The following ZP4 variants were observed in gnomAD, a reference collection of about 807,000 sequenced individuals.
ZP4 encodes the protein zona pellucida sperm-binding protein 4.
In ZP4, 62 loss-of-function variants were observed where a neutral mutation model predicts 62.3. That is an observed-to-expected ratio of 0.99 (90% CI 0.81 to 1.23). The LOEUF (loss-of-function observed/expected upper bound fraction) is 1.23, where lower values mean the gene tolerates loss of function less well. ZP4 is among the 50% of genes most tolerant of loss of function. ZP4 has a pLI of 0.00. For missense variants in ZP4, 774 were observed against 656.0 expected, an observed-to-expected ratio of 1.18 and a Z score of -1.97; for synonymous variants, 289 against 247.3, an observed-to-expected ratio of 1.17 and a Z score of -1.58.
Position 237,890,514 on chromosome 1 carries a change from A to C in ZP4, c.122T>G (p.Phe41Cys). Residue 41 changes from phenylalanine to cysteine, a missense_variant, in exon 1 of 12, where the codon TTT becomes TGT. Coordinates refer to ENST00000366570, the MANE Select transcript of ZP4 (RefSeq NM_021186.5). ...TGCCTCCTGGTTGAGGTTTACAGCA[A>C]ACTGGAAGCTCCACGGCCCACAGTG... ...VLHCGPWSFQ[F>C]AVNLNQEATS... 6.2e-7 allele frequency: 1 copy of C among 1,614,118 alleles called. No individual in the cohort carries two copies. Among genetic ancestry groups the C allele is most frequent in the Non-Finnish European group, 8.5e-7 (1 of 1,180,028 alleles).
At chr1:237,890,002 A>G in intron 2 of ZP4, 33 bp from the exon 3 acceptor site, 1 of 1,614,060 alleles carries the variant, frequency 6.2e-7, no homozygotes. Flanking sequence ...GTCAGCCTGG[A>G]TGGTAGCATG....
At position 237,890,182 on chromosome 1, in the gene ZP4, G is replaced by C. The variant is rs1358342709; in HGVS notation, c.176-6C>G. The stretch of plus-strand genomic sequence containing the variant: ...GTGCAGCAGCCCTTGGTTGTCTGGA[G>C]GGGTGGGGAAGAGGTGAGAAAACAC... On this transcript the variant is annotated splice_polypyrimidine_tract_variant and splice_region_variant and intron_variant, in intron 1 of 11. Transcript: ENST00000366570. The C allele has an allele frequency of 1.9e-6, 3 of 1,613,654 alleles. No individual in the cohort carries two copies. The African/African-American group carries it at 4.0e-5, about 22-fold the overall frequency.
rs1558531158 is a variant in ZP4 at position 237,884,027 on chromosome 1, CACACAAACACACACAA to C, written c.1390+726_1390+741del. 1.5e-3 allele frequency among the ~76,000 whole-genome samples: 128 copies of C among 84,142 alleles called. 2 individuals carry two copies. Among genetic ancestry groups the C allele is most frequent in the African/African-American group, 3.5e-3 (65 of 18,612 alleles). The allele number at this position is 84,142 out of a possible 152,430, so 55.2% of individuals were successfully genotyped here. On this transcript the variant is annotated intron_variant, in intron 10 of 11. Coordinates refer to ENST00000366570, the MANE Select transcript of ZP4 (RefSeq NM_021186.5). ...ACACACACACACACAAACACACACA[CACACAAACACACACAA>C]ACACACACAAACACACACAAACACA...
chr1:237,883,775 G>GAGAGGA (rs1392215392), intron 10 of ZP4, among the ~76,000 whole-genome samples: 2 of 144,752 alleles, frequency 1.4e-5, no homozygotes, highest in Non-Finnish European at 3.0e-5. Flanking sequence ...GAGAGAGGAA[G>GAGAGGA]AGAGAGGAAG....
At chr1:237,887,624 A>G (rs1251399311) in intron 4 of ZP4, 63 bp from the exon 5 acceptor site, 1 of 1,520,896 alleles carries the variant, frequency 6.6e-7, no homozygotes, top group African/African-American at 1.4e-5. Context: ...AACCAGATGA[A>G]AGTCTAACCA....
intron 4 of ZP4, 88 bp from the exon 5 acceptor site, chr1:237,887,649 A>G: frequency 7.2e-7 from 1 of 1,387,060 alleles, no homozygotes; most frequent in Non-Finnish European, 9.8e-7. Flanking sequence ...GTTACTTTTA[A>G]TCCCACTGAG....
intron 4 of ZP4, among the ~76,000 whole-genome samples, chr1:237,887,816 A>C (rs1222823840): frequency 6.6e-6 from 1 of 152,178 alleles, no homozygotes; most frequent in Non-Finnish European, 1.5e-5. Flanking sequence ...TTCATGTGTT[A>C]AGAGGGGGAT....
Position 237,884,802 on chromosome 1 carries a change from G to A in ZP4, c.1357C>T (p.Pro453Ser). Residue 453 changes from proline to serine, a missense_variant, in exon 10 of 12, where the codon CCA (proline) becomes TCA (serine). Transcript: ENST00000366570. ...TCAGGACAGGTCACCACACAGGATGGTGTCTCAGCAGGCTGGCAGACTGAC... is the reference window on the plus strand; with the variant it reads ...TCAGGACAGGTCACCACACAGGATGATGTCTCAGCAGGCTGGCAGACTGAC... ...SVSVCQPAET[P>S]SCVVTCPDLS... 4 of 1,613,788 alleles carry A rather than the reference G, an allele frequency of 2.5e-6. No individual in the cohort carries two copies. The highest frequency in any genetic ancestry group is 3.4e-6 in the Non-Finnish European group (4 of 1,179,886).
At chr1:237,884,003 C>CACACACAA (rs1665021146) in intron 10 of ZP4, among the ~76,000 whole-genome samples, 2 of 92,400 alleles carry the variant, frequency 2.2e-5, no homozygotes, top group African/African-American at 8.8e-5. Flanking sequence ...CACACACACA[C>CACACACAA]ACACACACAC....
intron 7 of ZP4, 25 bp downstream of exon 7, chr1:237,885,731 G>A (rs1427775478): frequency 6.2e-7 from 1 of 1,613,078 alleles, no homozygotes; most frequent in Non-Finnish European, 8.5e-7. Flanking sequence ...CTATAGGCCA[G>A]ATACTCCAGC....
At chr1:237,886,622 C>T in intron 6 of ZP4, 149 bp downstream of exon 6, 2 of 619,316 alleles carry the variant, frequency 3.2e-6, no homozygotes, top group South Asian at 2.0e-5. Context: ...ACAGATGGAC[C>T]TAATCAAGTA....
At chr1:237,888,284 C>A (rs909875104) in intron 4 of ZP4, 74 bp downstream of exon 4, 2 of 1,433,760 alleles carry the variant, frequency 1.4e-6, no homozygotes, top group Non-Finnish European at 1.9e-6. Flanking sequence ...GCCTTCTGAG[C>A]AAACCCCTCT....
At position 237,885,084 on chromosome 1, in the gene ZP4, G is replaced by A. The variant is rs181228543; in HGVS notation, c.1311+81C>T. 1.5e-3 allele frequency: 2,351 copies of A among 1,545,830 alleles called. 2 individuals carry two copies. The highest frequency in any genetic ancestry group is 2.7e-3 in the Admixed American group (141 of 52,938). On this transcript the variant is annotated intron_variant, in intron 9 of 11. Transcript: ENST00000366570. ...CCAGCATTAAAGGGCTTCCTTGGCTGCAGAGTAGTAGGACATGGAAACAGT... is the reference window on the plus strand; with the variant it reads ...CCAGCATTAAAGGGCTTCCTTGGCTACAGAGTAGTAGGACATGGAAACAGT...
At chr1:237,883,975 CACACACAA>C (rs1354644928) in intron 10 of ZP4, among the ~76,000 whole-genome samples, 1,884 of 40,264 alleles carry the variant, frequency 0.047, 69 homozygotes, top group African/African-American at 0.12. Flanking sequence ...CAAACACACA[CACACACAA>C]ACACACACAC....
At chr1:237,887,610 G>A in intron 4 of ZP4, 49 bp from the exon 5 acceptor site, 2 of 1,564,936 alleles carry the variant, frequency 1.3e-6, no homozygotes, top group African/African-American at 1.4e-5. Flanking sequence ...CCCATTGTGG[G>A]GAGAACCAGA....
intron 10 of ZP4, among the ~76,000 whole-genome samples, chr1:237,884,014 ACAAACACACACACAC>A (rs1665026070): frequency 1.3e-5 from 1 of 78,650 alleles, no homozygotes; most frequent in Admixed American, 1.2e-4. Flanking sequence ...ACACACACAC[ACAAACACACACACAC>A]ACAAACACAC....
Position 237,885,331 on chromosome 1 carries a change from C to A in ZP4, c.1161-16G>T, listed in dbSNP as rs1238728995. ...GTAGGGGCAGCTAGACCAAGAGACCCAGCAGTCAGGATGGGCTTCTTTGAG... is the reference window on the plus strand; with the variant it reads ...GTAGGGGCAGCTAGACCAAGAGACCAAGCAGTCAGGATGGGCTTCTTTGAG... On this transcript the variant is annotated splice_polypyrimidine_tract_variant and intron_variant, in intron 8 of 11. Transcript: ENST00000366570. The A allele has an allele frequency of 6.2e-7, 1 of 1,613,176 alleles. No homozygotes were observed. Among genetic ancestry groups the A allele is most frequent in the East Asian group, 2.2e-5 (1 of 44,856 alleles).
intron 9 of ZP4, 66 bp downstream of exon 9, chr1:237,885,099 A>T (rs1665064331): frequency 3.2e-6 from 5 of 1,577,180 alleles, no homozygotes; most frequent in Non-Finnish European, 4.3e-6. Context: ...GTAGTAGGAC[A>T]TGGAAACAGT....
In ZP4 at chr1:237,885,683, A is replaced by G; in HGVS notation, c.970+73T>C. 5 of 1,597,654 alleles carry G rather than the reference A, an allele frequency of 3.1e-6. No individual in the cohort carries two copies. In the South Asian group the frequency reaches 5.7e-5, roughly 18 times the overall value. On this transcript the variant is annotated intron_variant, in intron 7 of 11. Coordinates refer to ENST00000366570, the MANE Select transcript of ZP4 (RefSeq NM_021186.5). ...CAAGCCCCTTAAGTGTCTTGTTACT[A>G]ACTTAGGGTCTTCATGCCCCAGAAG...
Sources: gnomAD v4.1 joint callset for allele counts (sites outside exome capture counted in the v4.1 genomes callset) on GRCh38, gnomAD v4.1.1 for gene constraint, MANE v1.5 for transcripts, NCBI Gene and HGNC (gene_info 2026-07-23, HGNC 2026-07-21) for gene names.